ABCB7: variants seen among roughly 807,000 people sequenced by gnomAD.
The protein encoded by ABCB7 is ATP binding cassette subfamily B member 7.
In ABCB7, 7 loss-of-function variants were observed where a neutral mutation model predicts 54.4. The observed-to-expected ratio is 0.13, with a 90% confidence interval of 0.07 to 0.24. The LOEUF (loss-of-function observed/expected upper bound fraction) is 0.24, where lower values mean the gene tolerates loss of function less well. ABCB7 is among the 10% of genes least tolerant of loss of function. The pLI, the probability that ABCB7 is intolerant of heterozygous loss-of-function variation, is 1.00. For missense variants in ABCB7, 356 were observed against 570.4 expected (o/e 0.62, Z 3.83); for synonymous variants, 218 against 207.1 (o/e 1.05, Z -0.45).
At chrX:75,092,824 T>C (rs1043079042) in intron 4 of ABCB7, among the ~76,000 whole-genome samples, 4 of 111,840 alleles carry the variant, frequency 3.6e-5, no homozygotes, top group African/African-American at 1.3e-4. Flanking sequence ...CTCAACATCA[T>C]ATGTCATTAG....
intron 4 of ABCB7, among the ~76,000 whole-genome samples, chrX:75,096,212 A>T (rs1327816864): frequency 1.8e-5 from 2 of 112,211 alleles, no homozygotes; most frequent in Non-Finnish European, 3.8e-5. Context: ...ATTTTTCAAC[A>T]ATACGTACTA....
chrX:75,121,179 C>G (rs188871130), intron 1 of ABCB7, among the ~76,000 whole-genome samples: 64 of 108,861 alleles, frequency 5.9e-4, no homozygotes, highest in African/African-American at 2.0e-3. Context: ...ATCCCAGCTA[C>G]TCTGGTGGCT....
chrX:75,138,594 T>C (rs1047554691), intron 1 of ABCB7, among the ~76,000 whole-genome samples: 4 of 112,103 alleles, frequency 3.6e-5, no homozygotes, highest in African/African-American at 1.3e-4. Flanking sequence ...TTAACTGGGA[T>C]TCCTTTTTCA....
At chrX:75,130,747 C>T (rs1277130729) in intron 1 of ABCB7, among the ~76,000 whole-genome samples, 1 of 110,644 alleles carries the variant, frequency 9.0e-6, no homozygotes, top group African/African-American at 3.3e-5. Context: ...TTAAACTTAG[C>T]CTAGGAAGAA....
At chrX:75,072,083 G>A in intron 8 of ABCB7, among the ~76,000 whole-genome samples, 1 of 111,030 alleles carries the variant, frequency 9.0e-6, no homozygotes, top group South Asian at 3.8e-4. Flanking sequence ...GGGATAGCAG[G>A]GATCAGAAAG....
intron 1 of ABCB7, among the ~76,000 whole-genome samples, chrX:75,146,109 A>T (rs1397185450): frequency 9.0e-6 from 1 of 111,490 alleles, no homozygotes; most frequent in Non-Finnish European, 1.9e-5. Flanking sequence ...AACTATAAGG[A>T]GGTGAAAGAT....
At chrX:75,064,339 A>G (rs749969160) in intron 13 of ABCB7, among the ~76,000 whole-genome samples, 15 of 111,455 alleles carry the variant, frequency 1.3e-4, no homozygotes, top group Non-Finnish European at 2.6e-4. Context: ...AGTATTTCTC[A>G]TTCTATTTTT....
intron 4 of ABCB7, among the ~76,000 whole-genome samples, chrX:75,095,895 G>A (rs1212452260): frequency 1.8e-5 from 2 of 111,592 alleles, no homozygotes; most frequent in African/African-American, 6.5e-5. Context: ...CCCTGATATT[G>A]ACCTGTCACT....
chrX:75,082,739 A>T (rs1332977953), intron 4 of ABCB7, among the ~76,000 whole-genome samples: 2 of 109,599 alleles, frequency 1.8e-5, no homozygotes, highest in Non-Finnish European at 3.8e-5. Context: ...ATTTCATTTG[A>T]AGTAGTAAAA....
At chrX:75,147,714 A>ATGGC (rs1320937645) in intron 1 of ABCB7, among the ~76,000 whole-genome samples, 17 of 112,023 alleles carry the variant, frequency 1.5e-4, no homozygotes, top group African/African-American at 5.5e-4. Flanking sequence ...AAAATAACTA[A>ATGGC]TGGCTACTAG....
intron 1 of ABCB7, among the ~76,000 whole-genome samples, chrX:75,126,312 C>T (rs1277874339): frequency 8.9e-6 from 1 of 111,745 alleles, no homozygotes; most frequent in African/African-American, 3.2e-5. Context: ...CAGATGCAGG[C>T]ATAAGTTTTG....
rs2081209809 is a variant in ABCB7, at chrX:75,053,330, G to A, written c.*40C>T. 2 of 1,205,620 alleles carry A rather than the reference G, an allele frequency of 1.7e-6. No homozygotes were observed. The highest frequency in any genetic ancestry group is 3.5e-5 in the African/African-American group (2 of 57,751). ...AACAATTCTGCTTCAGTGCAAATAT[G>A]TAGTCCAAAACAACAAAAAAAGAAA... On this transcript the variant is annotated 3_prime_UTR_variant, in exon 16 of 16. Coordinates refer to ENST00000373394, the MANE Select transcript of ABCB7 (RefSeq NM_001271696.3).
At chrX:75,112,754 T>A in intron 3 of ABCB7, 132 bp downstream of exon 3, 3 of 509,846 alleles carry the variant, frequency 5.9e-6, no homozygotes. Flanking sequence ...TAATATGTTT[T>A]TTTTTTCATT....
At position 75,069,067 on chromosome X, in the gene ABCB7, A is replaced by G. The variant is rs1569219194; in HGVS notation, c.1599T>C (p.Gly533=). The G allele has an allele frequency of 8.3e-7, 1 of 1,208,365 alleles. No homozygotes were observed. Residue 533 remains glycine (G), a synonymous_variant, in exon 12 of 16, where the codon GGT becomes GGC. Coordinates refer to ENST00000373394, the MANE Select transcript of ABCB7 (RefSeq NM_001271696.3). ...CCAGGCTCACATCTTGTATATTTTG[A>G]CCAGCAAGATAAATGCTACCCTTTT... The part of the protein sequence containing the change: ...EPQKGSIYLA[G]QNIQDVSLES...
intron 1 of ABCB7, among the ~76,000 whole-genome samples, 160 bp from the exon 2 acceptor site, chrX:75,114,991 C>T (rs898278991): frequency 1.4e-4 from 16 of 110,940 alleles, no homozygotes; most frequent in African/African-American, 5.3e-4. Flanking sequence ...AAAAATAGGC[C>T]GGGCCTGGTG....
intron 1 of ABCB7, among the ~76,000 whole-genome samples, chrX:75,127,204 T>C (rs1278225000): frequency 1.8e-5 from 2 of 111,357 alleles, no homozygotes; most frequent in South Asian, 3.8e-4. Context: ...AAAAAACTTA[T>C]CCACCACAAT....
intron 1 of ABCB7, among the ~76,000 whole-genome samples, chrX:75,153,774 A>G (rs2082152283): frequency 1.2e-5 from 1 of 85,835 alleles, no homozygotes; most frequent in African/African-American, 3.9e-5. Context: ...ATATATATAT[A>G]AAATATATAT....
At chrX:75,094,023 T>C (rs1476983820) in intron 4 of ABCB7, among the ~76,000 whole-genome samples, 7 of 25,111 alleles carry the variant, frequency 2.8e-4, no homozygotes, top group Non-Finnish European at 1.6e-3. Flanking sequence ...TATATACATA[T>C]ATATATATAT....
chrX:75,135,861 C>A (rs1460348179), intron 1 of ABCB7, among the ~76,000 whole-genome samples: 1 of 110,568 alleles, frequency 9.0e-6, no homozygotes, highest in East Asian at 2.9e-4. Context: ...AAGACAAACC[C>A]ACAGCCAACA....
Sources: allele counts gnomAD v4.1 joint callset (sites outside exome capture counted in the v4.1 genomes callset), GRCh38; gene constraint gnomAD v4.1.1; transcripts MANE v1.5; gene names NCBI Gene and HGNC (gene_info 2026-07-23, HGNC 2026-07-21).